NRG1: variants seen among roughly 807,000 people sequenced by gnomAD.
NRG1 encodes the protein pro-neuregulin-1, membrane-bound isoform.
Under a neutral mutation model 63.8 loss-of-function variants are expected in NRG1, and 18 were observed. That is an observed-to-expected ratio of 0.28 (90% CI 0.19 to 0.42). NRG1 has a LOEUF of 0.42. Among genes scored for constraint, NRG1 ranks in the 10% least tolerant of loss-of-function variants. The pLI, the probability that NRG1 is intolerant of heterozygous loss-of-function variation, is 1.00. For missense variants in NRG1, 762 were observed against 814.7 expected, an observed-to-expected ratio of 0.94 and a Z score of 0.79; for synonymous variants, 302 against 301.3, an observed-to-expected ratio of 1.00 and a Z score of -0.02.
At chr8:32,053,285 C>A (rs918151909) in intron 1 of NRG1, among the ~76,000 whole-genome samples, 1 of 152,010 alleles carries the variant, frequency 6.6e-6, no homozygotes. Context: ...GTCCTCAGGG[C>A]TAGTCAGAAT....
intron 1 of NRG1, among the ~76,000 whole-genome samples, chr8:31,789,432 T>A (rs1820480853): frequency 6.6e-6 from 1 of 152,200 alleles, no homozygotes; most frequent in Admixed American, 6.5e-5. Context: ...CTTTGGGTCA[T>A]CCTGAGTAAG....
intron 5 of NRG1, among the ~76,000 whole-genome samples, chr8:32,661,800 T>C (rs986461484): frequency 2.6e-5 from 4 of 152,116 alleles, no homozygotes; most frequent in Non-Finnish European, 4.4e-5. Context: ...AATCATATAC[T>C]ATCTTAGCAG....
intron 1 of NRG1, among the ~76,000 whole-genome samples, chr8:32,233,559 ATATATTTTTTTT>A (rs1563934516): frequency 4.4e-5 from 3 of 67,464 alleles, no homozygotes; most frequent in African/African-American, 1.8e-4. Flanking sequence ...ATATATATAT[ATATATTTTTTTT>A]TTTTTTTCTT....
Position 31,903,379 on chromosome 8 carries a change from GACCTCGTGATCCT to G in NRG1, c.37+263949_37+263961del, listed in dbSNP as rs1832256177. Among the ~76,000 whole-genome samples the G allele has an allele frequency of 2.0e-5, 3 of 151,656 alleles. No individual in the cohort carries two copies. The South Asian group carries it at 6.3e-4, about 32-fold the overall frequency. On this transcript the variant is annotated intron_variant, in intron 1 of 10. Transcript: ENST00000519301. ...TTAGCCAGGTTGGTCTTGATCTCCT[GACCTCGTGATCCT>G]CCTGCCTCGGCCTCCCAAAGTGTTG...
rs182153214 is a variant in NRG1 at position 32,640,916 on chromosome 8, C to T, written c.502+24031C>T. 8.4e-4 allele frequency among the ~76,000 whole-genome samples: 128 copies of T among 151,904 alleles called. 1 individual carries two copies. The Middle Eastern group carries it at 0.027, about 32-fold the overall frequency. ...TTGAGGCTATGGTGAGTTATGATTGCACCATTGCATTCTAGCCTGGGTATG... is the reference window on the plus strand; with the variant it reads ...TTGAGGCTATGGTGAGTTATGATTGTACCATTGCATTCTAGCCTGGGTATG... On this transcript the variant is annotated intron_variant, in intron 5 of 11. Coordinates refer to ENST00000356819, the Ensembl canonical transcript of NRG1.
intron 1 of NRG1, among the ~76,000 whole-genome samples, chr8:32,485,459 TTCTA>T (rs1262924240): frequency 6.6e-6 from 1 of 152,190 alleles, no homozygotes; most frequent in Admixed American, 6.5e-5. Flanking sequence ...AATAATAAGC[TTCTA>T]TCTTTCCTTA....
chr8:32,383,011 C>T (rs929419142), intron 1 of NRG1, among the ~76,000 whole-genome samples: 10 of 151,074 alleles, frequency 6.6e-5, no homozygotes, highest in South Asian at 2.1e-4. Flanking sequence ...CATTTGAGGC[C>T]GGGAGTTTGA....
At chr8:31,931,888 T>C (rs1049540728) in intron 1 of NRG1, among the ~76,000 whole-genome samples, 2 of 152,168 alleles carry the variant, frequency 1.3e-5, no homozygotes, top group African/African-American at 4.8e-5. Context: ...GACTCTGTAC[T>C]GTAAATGTTT....
chr8:32,656,284 A>T (rs1288901706), intron 5 of NRG1, among the ~76,000 whole-genome samples: 1 of 152,146 alleles, frequency 6.6e-6, no homozygotes, highest in African/African-American at 2.4e-5. Context: ...TGGACAAAAA[A>T]ACTTCTAGCC....
rs1484262700 is a variant in NRG1, at chr8:32,754,229, A to G, written c.692-143A>G. The G allele has an allele frequency of 8.6e-6, 6 of 701,070 alleles. No individual in the cohort carries two copies. In the East Asian group the frequency reaches 1.1e-4, roughly 13 times the overall value. 43.4% of individuals were successfully genotyped at this position (701,070 alleles called of 1,614,324 possible). A position where few individuals can be genotyped will look rare whatever the true frequency, so the allele number is the denominator to read the frequency against. On this transcript the variant is annotated intron_variant, in intron 7 of 11. Coordinates refer to ENST00000356819, the Ensembl canonical transcript of NRG1. The stretch of plus-strand genomic sequence containing the variant: ...GTGCAGAGCATGTTGTACCTTAGCT[A>G]TGTGTGTAAACGTAAAGAATTGTCA...
intron 6 of NRG1, among the ~76,000 whole-genome samples, chr8:32,733,080 T>A (rs4351382): frequency 0.14 from 20,943 of 152,136 alleles, 2,106 homozygotes; most frequent in East Asian, 0.42. Context: ...GTGCTGGGAT[T>A]ACAGGCATGA....
chr8:32,434,056 C>T (rs553726012), intron 1 of NRG1, among the ~76,000 whole-genome samples: 61 of 151,994 alleles, frequency 4.0e-4, no homozygotes, highest in African/African-American at 1.4e-3. Context: ...CGTGGTGGCA[C>T]GTGCCTGTAA....
At chr8:32,638,515 A>G (rs1217170485) in intron 5 of NRG1, among the ~76,000 whole-genome samples, 3 of 152,142 alleles carry the variant, frequency 2.0e-5, no homozygotes, top group Non-Finnish European at 4.4e-5. Flanking sequence ...TGTCTTAGAG[A>G]TATGGTCTCC....
intron 1 of NRG1, among the ~76,000 whole-genome samples, chr8:32,244,052 C>T (rs1046644402): frequency 2.6e-5 from 4 of 152,100 alleles, no homozygotes; most frequent in Non-Finnish European, 4.4e-5. Flanking sequence ...ATGACATGGC[C>T]GTTTGCTCCA....
intron 1 of NRG1, among the ~76,000 whole-genome samples, chr8:32,135,135 A>T (rs1464159243): frequency 6.6e-6 from 1 of 152,132 alleles, no homozygotes; most frequent in African/African-American, 2.4e-5. Flanking sequence ...AAAAGGTAGG[A>T]AGAAGGCTGG....
intron 1 of NRG1, among the ~76,000 whole-genome samples, chr8:32,419,906 C>T (rs1275464658): frequency 1.3e-5 from 2 of 152,144 alleles, no homozygotes; most frequent in Non-Finnish European, 2.9e-5. Flanking sequence ...CTCATTGTCC[C>T]TTCACACCCT....
chr8:32,380,213 A>G (rs7829669), intron 1 of NRG1, among the ~76,000 whole-genome samples: 18,455 of 151,974 alleles, frequency 0.12, 1,213 homozygotes, highest in South Asian at 0.19. Context: ...TTTTTTAATA[A>G]TATATTTTGT....
At chr8:32,471,692 A>C (rs114703558) in intron 1 of NRG1, among the ~76,000 whole-genome samples, 1,974 of 152,288 alleles carry the variant, frequency 0.013, 46 homozygotes, top group African/African-American at 0.045. Flanking sequence ...CTTAATATAT[A>C]ACATTTGTAA....
At position 32,474,663 on chromosome 8, in the gene NRG1, T is replaced by G. The variant is rs182717132; in HGVS notation, c.38-121165T>G. Among the ~76,000 whole-genome samples, 301 of 151,900 alleles carry G rather than the reference T, an allele frequency of 2.0e-3. 2 individuals carry two copies. In the East Asian group the frequency reaches 0.023, roughly 11 times the overall value. The stretch of plus-strand genomic sequence containing the variant: ...ACGTGCCACCACGCCTAGCTAATTT[T>G]TGTGTGTGTGTGTGTTTTTTTTAGT... On this transcript the variant is annotated intron_variant, in intron 1 of 10. Transcript: ENST00000519301.
Sources: gnomAD v4.1 joint callset for allele counts (sites outside exome capture counted in the v4.1 genomes callset) on GRCh38, gnomAD v4.1.1 for gene constraint, MANE v1.5 for transcripts, NCBI Gene and HGNC (gene_info 2026-07-23, HGNC 2026-07-21) for gene names.